The following FKBP5 variants were observed in gnomAD, a reference collection of about 807,000 sequenced individuals.
FKBP5 encodes peptidyl-prolyl cis-trans isomerase FKBP5.
In FKBP5, 23 loss-of-function variants were observed where a neutral mutation model predicts 50.5. The observed-to-expected ratio is 0.46, with a 90% CI of 0.33 to 0.65. FKBP5 has a LOEUF of 0.65. Among genes scored for constraint, FKBP5 ranks in the 30% least tolerant of loss-of-function variants. The pLI, the probability that FKBP5 is intolerant of heterozygous loss-of-function variation, is 0.02. For missense variants in FKBP5, 411 were observed against 553.1 expected, an observed-to-expected ratio of 0.74 and a Z score of 2.58; for synonymous variants, 176 against 190.6, an observed-to-expected ratio of 0.92 and a Z score of 0.63.
At chr6:35,583,269 CT>C (rs1328489595) in intron 8 of FKBP5, 1 of 985,230 alleles carries the variant, frequency 1.0e-6, no homozygotes, top group Non-Finnish European at 1.2e-6. Flanking sequence ...CTTAACTTTT[CT>C]GATTATCTCC....
At position 35,604,581 on chromosome 6, in the gene FKBP5, C is replaced by CGTAATGGAGAGATGGAGCAGACGT. The variant is rs564739249; in HGVS notation, c.509-7178_509-7177insACGTCTGCTCCATCTCTCCATTAC. Among the ~76,000 whole-genome samples the CGTAATGGAGAGATGGAGCAGACGT allele has an allele frequency of 2.1e-3, 324 of 152,250 alleles. 1 individual carries two copies. The highest frequency in any genetic ancestry group is 3.4e-3 in the Middle Eastern group (1 of 294). On this transcript the variant is annotated intron_variant, in intron 5 of 10. Coordinates refer to ENST00000357266, the MANE Select transcript of FKBP5 (RefSeq NM_004117.4). ...AAAGTCTCACAGCTCCATCAGATCT[C>CGTAATGGAGAGATGGAGCAGACGT]AATATGGGCAGACGTAATCTTTCCT...
At chr6:35,652,404 G>A (rs968488785) in intron 1 of FKBP5, among the ~76,000 whole-genome samples, 17 of 152,208 alleles carry the variant, frequency 1.1e-4, no homozygotes, top group African/African-American at 4.1e-4. Flanking sequence ...AAAGCAAATG[G>A]GAGAAATATT....
chr6:35,578,072 A>T (rs968161944), intron 9 of FKBP5, among the ~76,000 whole-genome samples: 20 of 152,006 alleles, frequency 1.3e-4, no homozygotes, highest in Admixed American at 7.2e-4. Context: ...AAAAAAAAAA[A>T]AAAGTTCTTA....
intron 10 of FKBP5, among the ~76,000 whole-genome samples, chr6:35,576,270 C>A (rs549505187): frequency 6.6e-6 from 1 of 152,226 alleles, no homozygotes; most frequent in Non-Finnish European, 1.5e-5. Flanking sequence ...TGGCTGCCGA[C>A]CCTCAAGATA....
At chr6:35,709,927 C>T (rs758983604) in intron 2 of FKBP5, among the ~76,000 whole-genome samples, 22 of 150,986 alleles carry the variant, frequency 1.5e-4, no homozygotes, top group Non-Finnish European at 2.7e-4. Context: ...GATGTTCTCA[C>T]GGGACAAACA....
chr6:35,610,559 C>T (rs1386872434), intron 5 of FKBP5, among the ~76,000 whole-genome samples: 4 of 107,038 alleles, frequency 3.7e-5, no homozygotes, highest in Admixed American at 2.2e-4. Context: ...CAGAGCAAGA[C>T]TCCGTCTCAA....
intron 2 of FKBP5, among the ~76,000 whole-genome samples, chr6:35,704,124 A>C (rs1378976495): frequency 6.6e-6 from 1 of 152,146 alleles, no homozygotes; most frequent in South Asian, 2.1e-4. Context: ...CTAATGATAC[A>C]CCTGGTTTCT....
intron 5 of FKBP5, chr6:35,607,640 T>A (rs1243826506): frequency 6.5e-6 from 1 of 154,010 alleles, no homozygotes; most frequent in Non-Finnish European, 1.5e-5. Context: ...GGCTCTGTGC[T>A]GCCCTATGGC....
chr6:35,723,128 G>C (rs1766644312), intron 1 of FKBP5, among the ~76,000 whole-genome samples: 1 of 152,190 alleles, frequency 6.6e-6, no homozygotes, highest in South Asian at 2.1e-4. Context: ...AGCTACTTGG[G>C]AGGCTGAGGC....
Position 35,660,256 on chromosome 6 carries a change from T to C in FKBP5, c.-19-17413A>G, listed in dbSNP as rs1194244095. Among the ~76,000 whole-genome samples, 6 of 74,208 alleles carry C rather than the reference T, an allele frequency of 8.1e-5. 3 individuals carry two copies. The highest frequency in any genetic ancestry group is 1.8e-4 in the Non-Finnish European group (6 of 33,774). The allele number at this position is 74,208 out of a possible 152,430, so 48.7% of individuals were successfully genotyped here. A position where few individuals can be genotyped will look rare whatever the true frequency, so the allele number is the denominator to read the frequency against. On this transcript the variant is annotated intron_variant, in intron 1 of 10. Transcript: ENST00000357266. ...TATGATCTAAGTCACTTTAAATGCA[T>C]TGATGCTATTTTTTTTTTTTTTTTT...
intron 2 of FKBP5, among the ~76,000 whole-genome samples, chr6:35,708,539 A>G (rs1054520834): frequency 6.6e-6 from 1 of 151,540 alleles, no homozygotes; most frequent in Non-Finnish European, 1.5e-5. Context: ...AGCATGAGCC[A>G]TTGCGCCTGG....
At chr6:35,618,959 G>C (rs549466223) in intron 5 of FKBP5, 137 bp downstream of exon 5, 470 of 621,618 alleles carry the variant, frequency 7.6e-4, no homozygotes, top group Middle Eastern at 1.6e-3. Flanking sequence ...ACCTCCCAAA[G>C]TGCTGGGATT....
chr6:35,646,628 C>T (rs1764638257), intron 1 of FKBP5, among the ~76,000 whole-genome samples: 1 of 152,180 alleles, frequency 6.6e-6, no homozygotes, highest in Admixed American at 6.5e-5. Flanking sequence ...GACAGTTTCA[C>T]CATTTTTATA....
At chr6:35,596,247 C>T (rs1160387901) in intron 6 of FKBP5, among the ~76,000 whole-genome samples, 3 of 151,972 alleles carry the variant, frequency 2.0e-5, no homozygotes, top group African/African-American at 4.8e-5. Context: ...GCCAGCTACT[C>T]GGGAGGCTGA....
intron 8 of FKBP5, chr6:35,581,771 T>A (rs1343059594): frequency 3.0e-6 from 3 of 985,296 alleles, no homozygotes; most frequent in African/African-American, 1.7e-5. Flanking sequence ...AGATGATACA[T>A]CCTGCCAGAT....
At chr6:35,684,953 T>G (rs1197606052) in intron 1 of FKBP5, among the ~76,000 whole-genome samples, 1 of 151,958 alleles carries the variant, frequency 6.6e-6, no homozygotes, top group East Asian at 1.9e-4. Context: ...GAGGATCACT[T>G]GAGACCAGGT....
intron 5 of FKBP5, among the ~76,000 whole-genome samples, chr6:35,601,476 T>C (rs952527562): frequency 6.6e-6 from 1 of 152,206 alleles, no homozygotes; most frequent in Non-Finnish European, 1.5e-5. Flanking sequence ...GAAAGACTGC[T>C]GATTGCCACA....
At chr6:35,679,967 A>T (rs1044968713) in intron 1 of FKBP5, among the ~76,000 whole-genome samples, 4 of 152,218 alleles carry the variant, frequency 2.6e-5, no homozygotes, top group Non-Finnish European at 2.9e-5. Context: ...AGGTCATATA[A>T]CTTTATTATT....
chr6:35,592,414 G>C (rs978735996), intron 6 of FKBP5, among the ~76,000 whole-genome samples: 11 of 152,172 alleles, frequency 7.2e-5, no homozygotes, highest in African/African-American at 2.7e-4. Context: ...GAGGAATAGA[G>C]ATACGAGAGC....
Sources: allele counts gnomAD v4.1 joint callset (sites outside exome capture counted in the v4.1 genomes callset), GRCh38; gene constraint gnomAD v4.1.1; transcripts MANE v1.5; gene names NCBI Gene and HGNC (gene_info 2026-07-23, HGNC 2026-07-21).